TET3: variants seen among roughly 807,000 people sequenced by gnomAD.
TET3 encodes methylcytosine dioxygenase TET3.
TET3 carries 19 observed loss-of-function variants against 141.4 expected under a neutral mutation model. The ratio of observed to expected loss-of-function variants is 0.13; its 90% CI spans 0.09 to 0.20. The LOEUF is 0.20. TET3 is among the 10% of genes least tolerant of loss of function. The pLI is 1.00. For missense variants in TET3, 1,874 were observed against 2,356.9 expected (o/e 0.80, Z 4.24); for synonymous variants, 1,043 against 980.9 (o/e 1.06, Z -1.18).
chr2:74,008,856 T>C (rs1229420543), intron 3 of TET3, among the ~76,000 whole-genome samples: 1 of 152,196 alleles, frequency 6.6e-6, no homozygotes, highest in Non-Finnish European at 1.5e-5. Flanking sequence ...AAAGAAATCC[T>C]GGTTACCTCC....
chr2:73,995,743 C>G (rs1471076576), intron 2 of TET3, among the ~76,000 whole-genome samples: 1 of 152,130 alleles, frequency 6.6e-6, no homozygotes, highest in African/African-American at 2.4e-5. Flanking sequence ...CTTAGAGTGA[C>G]CCTGTGTGGT....
chr2:74,082,396 G>A (rs548127326), intron 6 of TET3, among the ~76,000 whole-genome samples: 18 of 152,224 alleles, frequency 1.2e-4, no homozygotes, highest in African/African-American at 2.2e-4. Context: ...GTCTGTGGAC[G>A]GATGCCCAGA....
chr2:74,012,686 T>A (rs1685521437), intron 3 of TET3, among the ~76,000 whole-genome samples: 1 of 152,220 alleles, frequency 6.6e-6, no homozygotes, highest in South Asian at 2.1e-4. Flanking sequence ...ATTTACCAAA[T>A]ATGTATTGAG....
chr2:74,007,010 A>G (rs1484656900), intron 3 of TET3, among the ~76,000 whole-genome samples: 1 of 152,164 alleles, frequency 6.6e-6, no homozygotes, highest in African/African-American at 2.4e-5. Context: ...TTGTCTTTCA[A>G]CATCCACCAA....
chr2:74,073,870 T>C (rs1489135591), intron 5 of TET3: 2 of 414,690 alleles, frequency 4.8e-6, no homozygotes, highest in Admixed American at 8.2e-5. Flanking sequence ...TGTCTTGAAA[T>C]GTTTTTATGG....
rs1572909888 is a variant in TET3, at chr2:74,102,862, G to A, written c.*686G>A. ...GGGAGAGTCTGCAGAAAACCATCTG[G>A]GGTCCCTTTTCCAGTCCCCGGCTTG... On this transcript the variant is annotated 3_prime_UTR_variant, in exon 12 of 12. Coordinates refer to ENST00000409262, the MANE Select transcript of TET3 (RefSeq NM_001287491.2). 1 of 152,160 alleles carries A rather than the reference G, an allele frequency of 6.6e-6. No homozygotes were observed. 9.4% of individuals were successfully genotyped at this position (152,160 alleles called of 1,614,324 possible).
intron 3 of TET3, among the ~76,000 whole-genome samples, chr2:74,011,341 C>T (rs1685425356): frequency 6.6e-6 from 1 of 152,124 alleles, no homozygotes; most frequent in African/African-American, 2.4e-5. Context: ...TAATCAGCAC[C>T]TGGATCAAGA....
chr2:74,018,846 A>G (rs747004693), intron 3 of TET3, among the ~76,000 whole-genome samples: 2 of 152,070 alleles, frequency 1.3e-5, no homozygotes, highest in Admixed American at 6.5e-5. Flanking sequence ...ATCACATGAA[A>G]CGTACAGGTT....
chr2:74,128,530 T>C, the TET3 span, among the ~76,000 whole-genome samples: 1 of 152,106 alleles, frequency 6.6e-6, no homozygotes, highest in Non-Finnish European at 1.5e-5. Context: ...TCCTTAATAA[T>C]AGTGTAACAA....
At chr2:74,031,219 T>C (rs1051529762) in intron 3 of TET3, among the ~76,000 whole-genome samples, 1 of 151,700 alleles carries the variant, frequency 6.6e-6, no homozygotes, top group Non-Finnish European at 1.5e-5. Flanking sequence ...AACAGCTCTG[T>C]TGAGGGGACG....
intron 3 of TET3, among the ~76,000 whole-genome samples, chr2:74,039,121 C>T (rs1573758990): frequency 6.6e-6 from 1 of 152,202 alleles, no homozygotes; most frequent in East Asian, 1.9e-4. Flanking sequence ...AGATGTAAAT[C>T]TGCTCTCTGT....
At chr2:74,018,499 T>C (rs1685855801) in intron 3 of TET3, among the ~76,000 whole-genome samples, 1 of 152,220 alleles carries the variant, frequency 6.6e-6, no homozygotes, top group Non-Finnish European at 1.5e-5. Context: ...TTGCATGCGA[T>C]ATAAGATAGG....
chr2:74,131,918 T>TG, the TET3 span, among the ~76,000 whole-genome samples: 3 of 138,854 alleles, frequency 2.2e-5, no homozygotes, highest in Admixed American at 7.2e-5. Context: ...AACAACTGGG[T>TG]GGGGGGGCCC....
At chr2:73,987,633 C>T (rs1684106935) in intron 2 of TET3, among the ~76,000 whole-genome samples, 1 of 152,218 alleles carries the variant, frequency 6.6e-6, no homozygotes. Flanking sequence ...GTAGAACTGG[C>T]GCTGGACAGA....
At chr2:74,089,313 T>C (rs1690343111) in intron 7 of TET3, among the ~76,000 whole-genome samples, 1 of 152,192 alleles carries the variant, frequency 6.6e-6, no homozygotes. Context: ...TGTTCATCTG[T>C]GTTGACGTGT....
At chr2:74,112,740 C>A (rs62150620), downstream of TET3, among the ~76,000 whole-genome samples, 2 of 152,224 alleles carry the variant, frequency 1.3e-5, no homozygotes, top group South Asian at 4.1e-4. Context: ...CAGTGGCTCA[C>A]GCCTATAATT....
At chr2:74,058,524 TAAA>T (rs75867509) in intron 4 of TET3, among the ~76,000 whole-genome samples, 3 of 144,886 alleles carry the variant, frequency 2.1e-5, no homozygotes, top group Non-Finnish European at 4.6e-5. Context: ...CCTACAAGTT[TAAA>T]AAAAAAAAAA....
the TET3 span, among the ~76,000 whole-genome samples, chr2:74,123,992 C>T: frequency 6.6e-6 from 1 of 151,494 alleles, no homozygotes; most frequent in African/African-American, 2.4e-5. Context: ...CCGGCCGCCC[C>T]GTCTGAGAAG....
chr2:74,047,702 T>G lies in TET3; in HGVS notation c.1785T>G (p.Ala595=), dbSNP rs754286051. 4.3e-6 allele frequency: 7 copies of G among 1,613,312 alleles called. No individual in the cohort carries two copies. The Admixed American group carries it at 1.2e-4, about 27-fold the overall frequency. Residue 595 remains alanine, a synonymous_variant, in exon 4 of 12, where the codon GCT becomes GCG. Coordinates refer to ENST00000409262, the MANE Select transcript of TET3 (RefSeq NM_001287491.2). Reference sequence around the variant, plus strand: ...GAGGTCCCGTGGGAACGGAGAAAGCTGCCCCTGGGATCAAGCCCAGTGTCC... The same window carrying G: ...GAGGTCCCGTGGGAACGGAGAAAGCGGCCCCTGGGATCAAGCCCAGTGTCC... ...PAGGPVGTEK[A]APGIKPSVRK...
Sources: allele counts gnomAD v4.1 joint callset (sites outside exome capture counted in the v4.1 genomes callset), GRCh38; gene constraint gnomAD v4.1.1; transcripts MANE v1.5; gene names NCBI Gene and HGNC (gene_info 2026-07-23, HGNC 2026-07-21).